Variants in PLCG1 observed in about 807,000 individuals in gnomAD.
PLCG1 encodes 1-phosphatidylinositol 4,5-bisphosphate phosphodiesterase gamma-1.
PLCG1 carries 71 observed loss-of-function variants against 177.8 expected under a neutral mutation model. That is an observed-to-expected ratio of 0.40 (90% CI 0.33 to 0.49). PLCG1 has a LOEUF of 0.49. Among genes scored for constraint, PLCG1 ranks in the 20% least tolerant of loss-of-function variants. The probability of loss-of-function intolerance (pLI) is 0.72; values close to 1 mark genes in which losing one functional copy is unlikely to be tolerated. For missense variants in PLCG1, 1,281 were observed against 1,709.0 expected (o/e 0.75, Z 4.42); for synonymous variants, 658 against 647.9 (o/e 1.02, Z -0.24).
At chr20:41,158,498 G>T (rs1267923406) in intron 1 of PLCG1, among the ~76,000 whole-genome samples, 17 of 152,206 alleles carry the variant, frequency 1.1e-4, no homozygotes, top group Admixed American at 1.1e-3. Context: ...CCCTCCCTGT[G>T]CTGGAGAGTG....
In PLCG1 at chr20:41,167,770, G is replaced by A. The variant is rs1474434451; in HGVS notation, c.2302-82G>A. Reference sequence around the variant, plus strand: ...GCAAGTTTGCTGCACTGGGGGAAAGGGAAGCTGCTCCAGAAACCAGTAGCT... The same window carrying A: ...GCAAGTTTGCTGCACTGGGGGAAAGAGAAGCTGCTCCAGAAACCAGTAGCT... On this transcript the variant is annotated intron_variant, in intron 19 of 31. Coordinates refer to ENST00000685551, the MANE Select transcript of PLCG1 (RefSeq NM_002660.3). This position sits in a 1 kb window ranked among gnomAD's most constrained non-coding sequence, Gnocchi z 4.4. The A allele has an allele frequency of 1.0e-6, 1 of 992,968 alleles. No individual in the cohort carries two copies. Among genetic ancestry groups the A allele is most frequent in the African/African-American group, 1.6e-5 (1 of 63,340 alleles). The allele number at this position is 992,968 out of a possible 1,614,324, so 61.5% of individuals were successfully genotyped here.
chr20:41,137,554 C>T lies in PLCG1; in HGVS notation c.-88C>T, dbSNP rs1056208640. 1.1e-5 allele frequency: 8 copies of T among 723,164 alleles called. No homozygotes were observed. In the African/African-American group the frequency reaches 1.1e-4, roughly 10 times the overall value. The allele number at this position is 723,164 out of a possible 1,614,324, so 44.8% of individuals were successfully genotyped here. A position where few individuals can be genotyped will look rare whatever the true frequency, so the allele number is the denominator to read the frequency against. ...GCCGGGTCCCGCTCGTCTGCCGCCT[C>T]AGCCTCAGCCCCAACCTCAGCCGCC... On this transcript the variant is annotated 5_prime_UTR_variant, in exon 1 of 32. Coordinates refer to ENST00000685551, the MANE Select transcript of PLCG1 (RefSeq NM_002660.3). The surrounding 1 kb of genome is among the most constrained non-coding windows in gnomAD (Gnocchi z 7.3).
In PLCG1 at chr20:41,163,505, T is replaced by C. The variant is rs1158187896; in HGVS notation, c.891+26T>C. ...GTGAGCCCGATGTTTCACCCATTTT[T>C]TGTCAAGAGAATGAGTAGGGGTGAC... is the stretch of plus-strand genomic sequence containing the variant. On this transcript the variant is annotated intron_variant, in intron 9 of 31. Coordinates refer to ENST00000685551, the MANE Select transcript of PLCG1 (RefSeq NM_002660.3). This position sits in a 1 kb window ranked among gnomAD's most constrained non-coding sequence, Gnocchi z 5.2. 6.5e-7 allele frequency: 1 copy of C among 1,542,714 alleles called. No individual in the cohort carries two copies. Among genetic ancestry groups the C allele is most frequent in the Non-Finnish European group, 8.9e-7 (1 of 1,117,870 alleles).
intron 1 of PLCG1, chr20:41,138,079 CT>C (rs2034664141): frequency 2.7e-6 from 1 of 377,082 alleles, no homozygotes; most frequent in Non-Finnish European, 4.7e-6. Flanking sequence ...CCTCCCCCAG[CT>C]GGGGGGAGTG....
rs751019790 is a variant in PLCG1 at position 41,160,084 on chromosome 20, C to T, written c.465-22C>T. Reference sequence around the variant, plus strand: ...TGACTGTAGATGGAGAAGTGGCCCTCACCTCAGGCTTCTCTCTCCAGGTGG... The same window carrying T: ...TGACTGTAGATGGAGAAGTGGCCCTTACCTCAGGCTTCTCTCTCCAGGTGG... On this transcript the variant is annotated intron_variant, in intron 3 of 31. Transcript: ENST00000685551. The surrounding 1 kb of genome is among the most constrained non-coding windows in gnomAD (Gnocchi z 5.5). 5 of 1,613,780 alleles carry T rather than the reference C, an allele frequency of 3.1e-6. No homozygotes were observed. The highest frequency in any genetic ancestry group is 4.2e-6 in the Non-Finnish European group (5 of 1,179,644).
At chr20:41,142,703 A>G (rs1478496745) in intron 1 of PLCG1, among the ~76,000 whole-genome samples, 1 of 151,984 alleles carries the variant, frequency 6.6e-6, no homozygotes, top group Non-Finnish European at 1.5e-5. Context: ...GCATATGACT[A>G]CCTCTCTGGG....
chr20:41,171,566 G>A (rs868757122), intron 24 of PLCG1, among the ~76,000 whole-genome samples: 6 of 124,070 alleles, frequency 4.8e-5, no homozygotes, highest in African/African-American at 1.3e-4. Flanking sequence ...CAGCCTGGGC[G>A]ACAGAGCAAG....
In PLCG1 at chr20:41,177,483, C is replaced by T. The variant is rs2036095996; in HGVS notation, c.*2974C>T. 6.6e-6 allele frequency: 1 copy of T among 152,250 alleles called. No individual in the cohort carries two copies. Among genetic ancestry groups the T allele is most frequent in the Non-Finnish European group, 1.5e-5 (1 of 68,052 alleles). The allele number at this position is 152,250 out of a possible 1,614,324, so 9.4% of individuals were successfully genotyped here. A position where few individuals can be genotyped will look rare whatever the true frequency, so the allele number is the denominator to read the frequency against. On this transcript the variant is annotated 3_prime_UTR_variant, in exon 32 of 32. Coordinates refer to ENST00000685551, the MANE Select transcript of PLCG1 (RefSeq NM_002660.3). ...ACTAAGGACCTAGACACTCACTTGT[C>T]TTTCAACTTGAGCCCATCACTCACC...
In PLCG1 at chr20:41,163,654, C is replaced by T. The variant is rs1301507169; in HGVS notation, c.892-61C>T. The T allele has an allele frequency of 1.6e-6, 2 of 1,230,282 alleles. No individual in the cohort carries two copies. The highest frequency in any genetic ancestry group is 3.0e-5 in the African/African-American group (2 of 67,722). The allele number at this position is 1,230,282 out of a possible 1,614,324, so 76.2% of individuals were successfully genotyped here. A position where few individuals can be genotyped will look rare whatever the true frequency, so the allele number is the denominator to read the frequency against. On this transcript the variant is annotated intron_variant, in intron 9 of 31. Coordinates refer to ENST00000685551, the MANE Select transcript of PLCG1 (RefSeq NM_002660.3). The surrounding 1 kb of genome is among the most constrained non-coding windows in gnomAD (Gnocchi z 5.2). ...ACTCTCTCTCCTACCCCCAACCTACCATCTTGGGTTGGACAGGGCAGGGAC... is the reference window on the plus strand; with the variant it reads ...ACTCTCTCTCCTACCCCCAACCTACTATCTTGGGTTGGACAGGGCAGGGAC...
At position 41,174,460 on chromosome 20, in the gene PLCG1, T is replaced by G. The variant is rs1461657905; in HGVS notation, c.3834-7T>G. 1 of 1,590,992 alleles carries G rather than the reference T, an allele frequency of 6.3e-7. No individual in the cohort carries two copies. The highest frequency in any genetic ancestry group is 8.6e-7 in the Non-Finnish European group (1 of 1,167,344). ...TGCCAGTAAGGACACTCTTCCCTTC[T>G]GTCCAGGGCCCCAAGAAGGACTCGG... On this transcript the variant is annotated splice_region_variant and splice_polypyrimidine_tract_variant and intron_variant, in intron 31 of 31. Coordinates refer to ENST00000685551, the MANE Select transcript of PLCG1 (RefSeq NM_002660.3). This position sits in a 1 kb window ranked among gnomAD's most constrained non-coding sequence, Gnocchi z 5.8.
At chr20:41,158,821 C>T (rs570401363) in intron 1 of PLCG1, among the ~76,000 whole-genome samples, 11 of 152,310 alleles carry the variant, frequency 7.2e-5, no homozygotes, top group African/African-American at 2.6e-4. Context: ...CAGTCAAGCC[C>T]TTTGCTTTAC....
Position 41,137,778 on chromosome 20 carries a change from C to T in PLCG1, c.137C>T (p.Pro46Leu), listed in dbSNP as rs2034645901. The change falls in exon 1 of 32, where the codon CCC (proline) becomes CTC (leucine). Residue 46 changes from proline to leucine, a missense_variant. Transcript: ENST00000685551. The surrounding 1 kb of genome is among the most constrained non-coding windows in gnomAD (Gnocchi z 7.3). ...TTCTACTCCAAGAAGTCGCAGCGAC[C>T]CGAGCGGAAGACCTTCCAGGTCAAG... is the stretch of plus-strand genomic sequence containing the variant. ...TLFYSKKSQR[P>L]ERKTFQVKLE... is the part of the protein sequence containing the mutation. 1.5e-6 allele frequency: 2 copies of T among 1,297,746 alleles called. No homozygotes were observed. The allele number at this position is 1,297,746 out of a possible 1,614,324, so 80.4% of individuals were successfully genotyped here.
Position 41,174,090 on chromosome 20 carries a change from C to A in PLCG1, c.3646-34C>A. 6.2e-7 allele frequency: 1 copy of A among 1,609,054 alleles called. No homozygotes were observed. The highest frequency in any genetic ancestry group is 8.5e-7 in the Non-Finnish European group (1 of 1,175,642). The stretch of plus-strand genomic sequence containing the variant: ...GCAGCCTCTAGAAGTGCAGAGGAGT[C>A]ATTGACCCTCTTGTGCACCTGGCTT... On this transcript the variant is annotated intron_variant, in intron 30 of 31. Coordinates refer to ENST00000685551, the MANE Select transcript of PLCG1 (RefSeq NM_002660.3). The surrounding 1 kb of genome is among the most constrained non-coding windows in gnomAD (Gnocchi z 5.8).
At position 41,174,545 on chromosome 20, in the gene PLCG1, G is replaced by C; in HGVS notation, c.*36G>C. On this transcript the variant is annotated 3_prime_UTR_variant, in exon 32 of 32. Coordinates refer to ENST00000685551, the MANE Select transcript of PLCG1 (RefSeq NM_002660.3). The surrounding 1 kb of genome is among the most constrained non-coding windows in gnomAD (Gnocchi z 5.8). ...GCCTCGTTGGAGAGCAGCAGGTGCT[G>C]TGCGCCTTGTAGAATGCCGCGAACT... 1 of 1,560,214 alleles carries C rather than the reference G, an allele frequency of 6.4e-7. No homozygotes were observed.
rs754923980 is a variant in PLCG1 at position 41,162,671 on chromosome 20, C to T, written c.627C>T (p.Thr209=). Residue 209 remains threonine (T), a synonymous_variant, in exon 6 of 32, where the codon ACC becomes ACT. Coordinates refer to ENST00000685551, the MANE Select transcript of PLCG1 (RefSeq NM_002660.3). The part of the protein sequence containing the change: ...TDLEQRSGDI[T]YGQFAQLYRS... ...TGGAGCAGCGCAGCGGGGACATCAC[C>T]TACGGGCAGTTTGCTCAGCTGTACC... 6.2e-7 allele frequency: 1 copy of T among 1,614,022 alleles called. No homozygotes were observed. The highest frequency in any genetic ancestry group is 8.5e-7 in the Non-Finnish European group (1 of 1,179,960).
intron 1 of PLCG1, among the ~76,000 whole-genome samples, chr20:41,152,479 G>A (rs563948526): frequency 2.0e-5 from 3 of 152,320 alleles, no homozygotes; most frequent in East Asian, 3.9e-4. Context: ...ACTGACCACT[G>A]CATTTTCAGT....
In PLCG1 at chr20:41,173,241, C is replaced by T. The variant is rs539686499; in HGVS notation, c.3280-179C>T. ...GCTCAGACTTCAGATAAACTACAGG[C>T]AGCAGCTGCTCTGGACAGCTTAGGG... On this transcript the variant is annotated intron_variant, in intron 27 of 31. Coordinates refer to ENST00000685551, the MANE Select transcript of PLCG1 (RefSeq NM_002660.3). This position sits in a 1 kb window ranked among gnomAD's most constrained non-coding sequence, Gnocchi z 6.2. Among the ~76,000 whole-genome samples, 77 of 152,250 alleles carry T rather than the reference C, an allele frequency of 5.1e-4. No individual in the cohort carries two copies. The highest frequency in any genetic ancestry group is 7.8e-4 in the Non-Finnish European group (53 of 68,044).
intron 24 of PLCG1, among the ~76,000 whole-genome samples, chr20:41,171,952 C>G (rs371350937): frequency 1.9e-4 from 29 of 152,318 alleles, no homozygotes; most frequent in South Asian, 1.9e-3. Context: ...CCCCACCCCC[C>G]CTAAGAGGGT....
intron 4 of PLCG1, among the ~76,000 whole-genome samples, chr20:41,161,987 C>T (rs760454440): frequency 4.6e-5 from 7 of 152,100 alleles, no homozygotes; most frequent in Non-Finnish European, 8.8e-5. Context: ...GAGGACCAAA[C>T]TCCCAGCATC....
Sources: allele counts gnomAD v4.1 joint callset (sites outside exome capture counted in the v4.1 genomes callset), GRCh38; gene constraint gnomAD v4.1.1; non-coding constraint Gnocchi (gnomAD v3.1); transcripts MANE v1.5; gene names NCBI Gene and HGNC (gene_info 2026-07-23, HGNC 2026-07-21).